The following KAT7 variants were observed in gnomAD, a reference collection of about 807,000 sequenced individuals.
KAT7 encodes lysine acetyltransferase 7.
KAT7 carries 10 observed loss-of-function variants against 82.1 expected under a neutral mutation model. The ratio of observed to expected loss-of-function variants is 0.12; its 90% confidence interval spans 0.08 to 0.21. The LOEUF is 0.21. KAT7 is among the 10% of genes least tolerant of loss of function. The pLI, the probability that KAT7 is intolerant of heterozygous loss-of-function variation, is 1.00. For missense variants in KAT7, 378 were observed against 760.9 expected, an observed-to-expected ratio of 0.50 and a Z score of 5.92; for synonymous variants, 250 against 262.5, an observed-to-expected ratio of 0.95 and a Z score of 0.46.
At chr17:49,795,227 T>A (rs2073940822) in intron 2 of KAT7, 1 of 154,942 alleles carries the variant, frequency 6.5e-6, no homozygotes, top group Non-Finnish European at 1.4e-5. Context: ...ACACAATGTA[T>A]ACGTCTATCA....
chr17:49,826,843 A>G (rs747375760), intron 14 of KAT7, 44 bp downstream of exon 14: 1 of 1,320,388 alleles, frequency 7.6e-7, no homozygotes, highest in Non-Finnish European at 1.1e-6. Context: ...GATGTCCTTC[A>G]AGACTTAGCA....
chr17:49,809,291 C>T (rs934444177), intron 6 of KAT7, 83 bp downstream of exon 6: 2 of 939,002 alleles, frequency 2.1e-6, no homozygotes, highest in Non-Finnish European at 3.4e-6. Context: ...TCAGGCATGT[C>T]TGTGCCTCAT....
At chr17:49,795,425 T>C in intron 2 of KAT7, 1 of 254,056 alleles carries the variant, frequency 3.9e-6, no homozygotes, top group South Asian at 7.4e-5. Flanking sequence ...AGCATCTATA[T>C]CACCTTGAAG....
intron 2 of KAT7, among the ~76,000 whole-genome samples, chr17:49,794,101 G>C (rs571874223): frequency 3.3e-5 from 5 of 152,054 alleles, no homozygotes; most frequent in Non-Finnish European, 5.9e-5. Context: ...TTATGTACTA[G>C]GAACCATGAT....
rs1456909983 is a variant in KAT7, at chr17:49,798,536, T to C, written c.558T>C (p.Pro186=). 1 of 1,612,006 alleles carries C rather than the reference T, an allele frequency of 6.2e-7. No homozygotes were observed. Among genetic ancestry groups the C allele is most frequent in the South Asian group, 1.1e-5 (1 of 91,016 alleles). ...GCTACAACTTCAATATGAAGTGTCC[T>C]ACACCAGGCTGTAACTCTCTAGGTC... is the stretch of plus-strand genomic sequence containing the variant. ...HESYNFNMKC[P]TPGCNSLGHL... The change falls in exon 4 of 15, where the codon CCT becomes CCC. Residue 186 remains proline, a synonymous_variant. Coordinates refer to ENST00000259021, the MANE Select transcript of KAT7 (RefSeq NM_007067.5).
At chr17:49,817,542 G>A (rs763725222) in intron 8 of KAT7, among the ~76,000 whole-genome samples, 1 of 152,142 alleles carries the variant, frequency 6.6e-6, no homozygotes, top group Non-Finnish European at 1.5e-5. Flanking sequence ...GTGCGATCTC[G>A]GTTCACCGCA....
Position 49,831,500 on chromosome 17 carries a change from T to G in KAT7, c.*3998T>G, listed in dbSNP as rs185984220. The G allele has an allele frequency of 6.6e-6, 1 of 152,116 alleles. No homozygotes were observed. Among genetic ancestry groups the G allele is most frequent in the Non-Finnish European group, 1.5e-5 (1 of 68,022 alleles). The allele number at this position is 152,116 out of a possible 1,614,324, so 9.4% of individuals were successfully genotyped here. On this transcript the variant is annotated 3_prime_UTR_variant, in exon 15 of 15. Coordinates refer to ENST00000259021, the MANE Select transcript of KAT7 (RefSeq NM_007067.5). ...TTATAGTCTTCTTCTAGATGAAAAA[T>G]TGAGGCTCATAGTGGTCTTGCTGCT...
chr17:49,804,864 A>G (rs1655604189), intron 4 of KAT7, among the ~76,000 whole-genome samples: 1 of 152,248 alleles, frequency 6.6e-6, no homozygotes, highest in African/African-American at 2.4e-5. Context: ...GTTTAAAGTT[A>G]TGTAAGTATG....
Position 49,821,843 on chromosome 17 carries a change from G to A in KAT7, c.1386+53G>A, listed in dbSNP as rs533454511. 6.4e-6 allele frequency: 10 copies of A among 1,565,654 alleles called. No individual in the cohort carries two copies. In the African/African-American group the frequency reaches 1.1e-4, roughly 17 times the overall value. On this transcript the variant is annotated intron_variant, in intron 11 of 14. Coordinates refer to ENST00000259021, the MANE Select transcript of KAT7 (RefSeq NM_007067.5). ...CAATGGCCAGAGCAGGGTGATCCAT[G>A]TTCGCAGTTGGGGGCTCAAATCACT... is the stretch of plus-strand genomic sequence containing the variant.
rs771573782 is a variant in KAT7 at position 49,815,783 on chromosome 17, C to A, written c.853-20C>A. 7.0e-7 allele frequency: 1 copy of A among 1,420,642 alleles called. No homozygotes were observed. The highest frequency in any genetic ancestry group is 9.9e-7 in the Non-Finnish European group (1 of 1,005,382). 88.0% of individuals were successfully genotyped at this position (1,420,642 alleles called of 1,614,324 possible). The stretch of plus-strand genomic sequence containing the variant: ...AGAAGCAGAGAGTATCAGAGTATCA[C>A]GCTCTGGTTATTTTCCTAGGAACAC... On this transcript the variant is annotated intron_variant, in intron 7 of 14. Transcript: ENST00000259021.
In KAT7 at chr17:49,833,667, A is replaced by AAT. The variant is rs1409911468; in HGVS notation, c.*6166_*6167insTA. 6.6e-6 allele frequency: 1 copy of AAT among 152,220 alleles called. No individual in the cohort carries two copies. Among genetic ancestry groups the AAT allele is most frequent in the African/African-American group, 2.4e-5 (1 of 41,438 alleles). 9.4% of individuals were successfully genotyped at this position (152,220 alleles called of 1,614,324 possible). ...CCAAGGTGCTCTAGTCACAGCACTA[A>AAT]AAGCCCAGACTTGTGTCTCTTGAAG... On this transcript the variant is annotated 3_prime_UTR_variant, in exon 15 of 15. Transcript: ENST00000259021.
chr17:49,805,825 C>T (rs763726076), intron 5 of KAT7, among the ~76,000 whole-genome samples: 38 of 152,190 alleles, frequency 2.5e-4, no homozygotes, highest in Non-Finnish European at 5.1e-4. Context: ...TCTCATAAAT[C>T]TATGAAGTCA....
chr17:49,789,347 G>C (rs1292134143), intron 1 of KAT7: 2 of 153,618 alleles, frequency 1.3e-5, no homozygotes, highest in Non-Finnish European at 2.9e-5. Flanking sequence ...GCAGAGGCGG[G>C]GTTTTGGAGG....
intron 4 of KAT7, among the ~76,000 whole-genome samples, chr17:49,802,466 G>A (rs951822665): frequency 6.6e-6 from 1 of 152,108 alleles, no homozygotes; most frequent in Non-Finnish European, 1.5e-5. Flanking sequence ...TCAGGAATTC[G>A]AGACCAACCT....
chr17:49,817,790 C>T (rs200912838), intron 8 of KAT7, 30 bp from the exon 9 acceptor site: 2 of 1,576,544 alleles, frequency 1.3e-6, no homozygotes, highest in African/African-American at 1.4e-5. Flanking sequence ...AATTCTGATC[C>T]TCCTTTGACT....
chr17:49,817,574 C>G (rs1190007958), intron 8 of KAT7, among the ~76,000 whole-genome samples: 1 of 152,222 alleles, frequency 6.6e-6, no homozygotes, highest in Non-Finnish European at 1.5e-5. Context: ...TTGGGCGATT[C>G]TTCTGCCTTA....
Position 49,788,748 on chromosome 17 carries a change from G to A in KAT7, c.-87G>A, listed in dbSNP as rs1480952775. The stretch of plus-strand genomic sequence containing the variant: ...CGTCCGCAGGATTGGGACTGATACA[G>A]AGGCCGCCACGGAGCCCGCCGGAGC... On this transcript the variant is annotated 5_prime_UTR_variant, in exon 1 of 15. Coordinates refer to ENST00000259021, the MANE Select transcript of KAT7 (RefSeq NM_007067.5). 1.0e-5 allele frequency: 15 copies of A among 1,448,114 alleles called. No individual in the cohort carries two copies. The highest frequency in any genetic ancestry group is 1.4e-5 in the Non-Finnish European group (15 of 1,064,216). The allele number at this position is 1,448,114 out of a possible 1,614,324, so 89.7% of individuals were successfully genotyped here.
At chr17:49,809,086 A>C in intron 5 of KAT7, 33 bp from the exon 6 acceptor site, 1 of 1,525,902 alleles carries the variant, frequency 6.6e-7, no homozygotes, top group Non-Finnish European at 9.1e-7. Flanking sequence ...TCTTAGAAGC[A>C]GGTGGATTTA....
chr17:49,829,225 G>A lies in KAT7; in HGVS notation c.*1723G>A, dbSNP rs1242147130. On this transcript the variant is annotated 3_prime_UTR_variant, in exon 15 of 15. Transcript: ENST00000259021. ...TTGAGGGATGTGGTTTGTGGCTATG[G>A]AATGTTTTTCCCTGTGATACAGGCT... The A allele has an allele frequency of 6.6e-6, 1 of 152,220 alleles. No homozygotes were observed. The allele number at this position is 152,220 out of a possible 1,614,324, so 9.4% of individuals were successfully genotyped here.
Sources: allele counts gnomAD v4.1 joint callset (sites outside exome capture counted in the v4.1 genomes callset), GRCh38; gene constraint gnomAD v4.1.1; transcripts MANE v1.5; gene names NCBI Gene and HGNC (gene_info 2026-07-23, HGNC 2026-07-21).